PARVB: variants seen among roughly 807,000 people sequenced by gnomAD.
PARVB encodes beta-parvin.
A neutral mutation model predicts 47.0 loss-of-function variants in PARVB; 46 were observed. That is an observed-to-expected ratio of 0.98 (90% CI 0.77 to 1.25). The LOEUF (loss-of-function observed/expected upper bound fraction) is 1.25, where lower values mean the gene tolerates loss of function less well. Ranked by LOEUF, PARVB falls within the 50% of genes most tolerant of loss-of-function variation. The probability of loss-of-function intolerance (pLI) is 0.00; values close to 1 mark genes in which losing one functional copy is unlikely to be tolerated. For synonymous variants in PARVB, 196 were observed against 196.3 expected (o/e 1.00, Z 0.01); for missense variants, 473 against 471.6 (o/e 1.00, Z -0.03).
intron 1 of PARVB, among the ~76,000 whole-genome samples, chr22:44,093,029 C>A (rs1257184182): frequency 6.6e-6 from 1 of 152,256 alleles, no homozygotes; most frequent in African/African-American, 2.4e-5. Context: ...TCCACCAGTG[C>A]CATGAAAGTG....
chr22:44,047,012 C>T (rs553712491), intron 1 of PARVB, among the ~76,000 whole-genome samples: 3 of 152,296 alleles, frequency 2.0e-5, no homozygotes, highest in South Asian at 2.1e-4. Context: ...TGTCTTCCTT[C>T]CCCCACCGGC....
chr22:44,140,664 T>G, intron 8 of PARVB: 1 of 506,610 alleles, frequency 2.0e-6, no homozygotes, highest in South Asian at 1.4e-5. Context: ...TCTCTGCTCC[T>G]CATCCGTGAA....
At chr22:44,141,462 A>G (rs1217116963) in intron 8 of PARVB, 2 of 152,234 alleles carry the variant, frequency 1.3e-5, no homozygotes, top group Non-Finnish European at 2.9e-5. Flanking sequence ...AAGCCAGTCT[A>G]GTCTTTTCAT....
intron 2 of PARVB, among the ~76,000 whole-genome samples, chr22:44,017,368 T>C (rs1448133955): frequency 6.6e-6 from 1 of 152,206 alleles, no homozygotes; most frequent in Non-Finnish European, 1.5e-5. Flanking sequence ...AGGCCCTATT[T>C]ACATGGGATT....
rs1357937518 is a variant in PARVB at position 44,049,766 on chromosome 22, C to T, written c.112+25315C>T. ...AATTGGTGCTTTCTTCCTATTAAAG[C>T]AGGAGACCTCTGCCCGGGAACGGGC... On this transcript the variant is annotated intron_variant, in intron 1 of 12. Transcript: ENST00000338758. The surrounding 1 kb of genome is among the most constrained non-coding windows in gnomAD (Gnocchi z 4.0). Among the ~76,000 whole-genome samples, 1 of 152,230 alleles carries T rather than the reference C, an allele frequency of 6.6e-6. No individual in the cohort carries two copies. The highest frequency in any genetic ancestry group is 1.5e-5 in the Non-Finnish European group (1 of 68,042).
intron 4 of PARVB, among the ~76,000 whole-genome samples, chr22:44,123,720 G>T (rs770627186): frequency 6.7e-6 from 1 of 149,580 alleles, no homozygotes; most frequent in Admixed American, 6.7e-5. Context: ...TGGCCAATAC[G>T]AGGCTTTGCC....
chr22:44,101,030 T>C (rs2052431153), intron 3 of PARVB, among the ~76,000 whole-genome samples: 1 of 152,238 alleles, frequency 6.6e-6, no homozygotes, highest in South Asian at 2.1e-4. Flanking sequence ...ACCACCACAG[T>C]GGACCCAATG....
At chr22:44,122,582 G>GAGAGAGAGACAGAGAGAC (rs2053091943) in intron 4 of PARVB, among the ~76,000 whole-genome samples, 2 of 132,768 alleles carry the variant, frequency 1.5e-5, no homozygotes, top group African/African-American at 7.1e-5. Flanking sequence ...GAGAGAGAGA[G>GAGAGAGAGACAGAGAGAC]AGAGAGAGAG....
At chr22:44,110,261 A>T (rs913500427) in intron 3 of PARVB, 2 of 152,136 alleles carry the variant, frequency 1.3e-5, no homozygotes, top group Admixed American at 1.3e-4. Flanking sequence ...CTGCCAGGCC[A>T]GCTGGGGAGA....
At chr22:44,099,198 C>A (rs2052381512) in intron 2 of PARVB, among the ~76,000 whole-genome samples, 1 of 152,218 alleles carries the variant, frequency 6.6e-6, no homozygotes, top group African/African-American at 2.4e-5. Flanking sequence ...CCCCACCCGA[C>A]CCATGCTCTG....
chr22:44,111,864 G>A (rs544951211), intron 3 of PARVB: 25 of 152,078 alleles, frequency 1.6e-4, no homozygotes, highest in African/African-American at 5.5e-4. Flanking sequence ...GGAGCTCTGA[G>A]GGGGTGGAAG....
intron 4 of PARVB, among the ~76,000 whole-genome samples, chr22:44,120,420 G>C (rs180717430): frequency 6.6e-6 from 1 of 152,128 alleles, no homozygotes; most frequent in South Asian, 2.1e-4. Context: ...AAGGGTCTGG[G>C]CCTCTTGTCT....
chr22:44,053,046 A>C (rs1255663623), intron 1 of PARVB, among the ~76,000 whole-genome samples: 1 of 152,132 alleles, frequency 6.6e-6, no homozygotes, highest in African/African-American at 2.4e-5. Flanking sequence ...CCAACAATTT[A>C]AATAACACAC....
At chr22:44,070,130 T>A (rs995311482) in intron 1 of PARVB, among the ~76,000 whole-genome samples, 5 of 152,218 alleles carry the variant, frequency 3.3e-5, no homozygotes, top group African/African-American at 1.2e-4. Flanking sequence ...CCCAGCTCCT[T>A]AACGTGCTTT....
intron 6 of PARVB, 147 bp from the exon 7 acceptor site, chr22:44,136,313 C>T: frequency 2.7e-6 from 2 of 728,714 alleles, no homozygotes; most frequent in Non-Finnish European, 4.9e-6. Flanking sequence ...TCACCCAGGC[C>T]TGGCATGCGT....
intron 1 of PARVB, among the ~76,000 whole-genome samples, chr22:44,041,626 G>A (rs1305768030): frequency 6.6e-6 from 1 of 152,238 alleles, no homozygotes; most frequent in Non-Finnish European, 1.5e-5. Context: ...GTTCACGCCT[G>A]TAATCTCAGC....
At chr22:44,014,492 A>G (rs530226511) in intron 2 of PARVB, among the ~76,000 whole-genome samples, 8 of 152,350 alleles carry the variant, frequency 5.3e-5, no homozygotes, top group Admixed American at 3.9e-4. Context: ...TGTGGGGAGC[A>G]TATTAAGAAG....
At chr22:44,008,697 G>A (rs2050492019) in intron 2 of PARVB, among the ~76,000 whole-genome samples, 1 of 152,080 alleles carries the variant, frequency 6.6e-6, no homozygotes, top group South Asian at 2.1e-4. Context: ...TAAAAATAGA[G>A]ATGACAGGCT....
In PARVB at chr22:44,168,875, G is replaced by A. The variant is rs1296009670; in HGVS notation, c.*197G>A. On this transcript the variant is annotated 3_prime_UTR_variant, in exon 13 of 13. Transcript: ENST00000338758. ...TTGTTGTTCTTAATCTCCTCTCCAT[G>A]TAGTTCCCAGTGGGCAAGAGCCTTT... is the stretch of plus-strand genomic sequence containing the variant. 1 of 550,296 alleles carries A rather than the reference G, an allele frequency of 1.8e-6. No homozygotes were observed. The highest frequency in any genetic ancestry group is 3.2e-6 in the Non-Finnish European group (1 of 311,062). 34.1% of individuals were successfully genotyped at this position (550,296 alleles called of 1,614,324 possible). A position where few individuals can be genotyped will look rare whatever the true frequency, so the allele number is the denominator to read the frequency against.
Sources: gnomAD v4.1 joint callset for allele counts (sites outside exome capture counted in the v4.1 genomes callset) on GRCh38, gnomAD v4.1.1 for gene constraint, Gnocchi (gnomAD v3.1) non-coding constraint, MANE v1.5 for transcripts, NCBI Gene and HGNC (gene_info 2026-07-23, HGNC 2026-07-21) for gene names.